The following SDK1 variants were observed in gnomAD, a reference collection of about 807,000 sequenced individuals.
SDK1 encodes the protein protein sidekick-1.
A neutral mutation model predicts 245.5 loss-of-function variants in SDK1; 157 were observed. That is an observed-to-expected ratio of 0.64 (90% CI 0.56 to 0.73). SDK1 has a LOEUF of 0.73. Ranked by LOEUF, SDK1 falls within the 30% of genes least tolerant of loss-of-function variation. The pLI, the probability that SDK1 is intolerant of heterozygous loss-of-function variation, is 0.00. For synonymous variants in SDK1, 1,647 were observed against 1,278.5 expected (o/e 1.29, Z -6.15); for missense variants, 3,583 against 3,002.3 (o/e 1.19, Z -4.52).
intron 19 of SDK1, among the ~76,000 whole-genome samples, chr7:4,052,214 C>A (rs533496636): frequency 4.9e-5 from 7 of 142,804 alleles, no homozygotes; most frequent in Admixed American, 1.5e-4. Context: ...CTGACCCTCG[C>A]TCCCAGGGTC....
At chr7:3,676,171 T>G (rs1226487358) in intron 4 of SDK1, among the ~76,000 whole-genome samples, 2 of 152,020 alleles carry the variant, frequency 1.3e-5, no homozygotes, top group Non-Finnish European at 2.9e-5. Context: ...CTCACTATGT[T>G]GCCACCTGGC....
intron 1 of SDK1, among the ~76,000 whole-genome samples, chr7:3,616,903 G>T (rs1018556257): frequency 1.3e-5 from 2 of 152,178 alleles, no homozygotes; most frequent in Non-Finnish European, 2.9e-5. Context: ...TTAAAGTTGA[G>T]TATGACTTCT....
chr7:3,582,683 T>TA (rs71029682), intron 1 of SDK1, among the ~76,000 whole-genome samples: 2,474 of 69,672 alleles, frequency 0.036, 122 homozygotes, highest in Non-Finnish European at 0.045. Context: ...TAAACTAAAG[T>TA]AAAAAAAAAA....
At chr7:3,635,800 G>A (rs891891056) in intron 2 of SDK1, among the ~76,000 whole-genome samples, 12 of 152,062 alleles carry the variant, frequency 7.9e-5, no homozygotes, top group Non-Finnish European at 1.6e-4. Context: ...TCCACCTCCC[G>A]GGGTCAGGTG....
intron 25 of SDK1, among the ~76,000 whole-genome samples, chr7:4,121,638 T>C (rs1784073027): frequency 6.6e-6 from 1 of 152,210 alleles, no homozygotes; most frequent in Non-Finnish European, 1.5e-5. Context: ...AATGGACTGA[T>C]ACATATGGCT....
chr7:3,441,348 C>A (rs1780190741), intron 1 of SDK1, among the ~76,000 whole-genome samples: 1 of 152,016 alleles, frequency 6.6e-6, no homozygotes, highest in South Asian at 2.1e-4. Flanking sequence ...AAGGAGGACT[C>A]TTGTACATCA....
At chr7:3,602,023 C>T (rs1329994061) in intron 1 of SDK1, among the ~76,000 whole-genome samples, 1 of 151,946 alleles carries the variant, frequency 6.6e-6, no homozygotes, top group African/African-American at 2.4e-5. Flanking sequence ...TTTTTTATGG[C>T]TGCATAGTAT....
chr7:4,237,575 C>T, intron 41 of SDK1, 72 bp from the exon 42 acceptor site: 1 of 1,579,172 alleles, frequency 6.3e-7, no homozygotes, highest in African/African-American at 1.3e-5. Flanking sequence ...CTGCCAACCA[C>T]CTGACTCGCG....
At chr7:3,801,610 G>T (rs1287612688) in intron 4 of SDK1, among the ~76,000 whole-genome samples, 1 of 152,190 alleles carries the variant, frequency 6.6e-6, no homozygotes, top group Non-Finnish European at 1.5e-5. Flanking sequence ...TGGGAGGGAT[G>T]GATTGATGAT....
intron 1 of SDK1, among the ~76,000 whole-genome samples, chr7:3,378,856 C>T (rs972341703): frequency 6.6e-6 from 1 of 152,044 alleles, no homozygotes; most frequent in Non-Finnish European, 1.5e-5. Context: ...GAGTTGGTCA[C>T]TTTGTCGGCT....
intron 7 of SDK1, among the ~76,000 whole-genome samples, chr7:3,954,704 G>A: frequency 6.8e-6 from 1 of 147,522 alleles, no homozygotes; most frequent in Non-Finnish European, 1.5e-5. Context: ...TCATGGGCTT[G>A]AATGAGTGTT....
chr7:3,372,116 G>A (rs150009371), intron 1 of SDK1, among the ~76,000 whole-genome samples: 1 of 152,172 alleles, frequency 6.6e-6, no homozygotes, highest in Non-Finnish European at 1.5e-5. Flanking sequence ...CCCTTAAAAA[G>A]CTACATAAAT....
At chr7:3,661,244 G>T (rs1251606193) in intron 4 of SDK1, among the ~76,000 whole-genome samples, 2 of 152,180 alleles carry the variant, frequency 1.3e-5, no homozygotes, top group African/African-American at 4.8e-5. Context: ...TTAAGTAATG[G>T]TTATATGCAG....
At chr7:3,801,659 G>C (rs922781639) in intron 4 of SDK1, among the ~76,000 whole-genome samples, 8 of 152,194 alleles carry the variant, frequency 5.3e-5, no homozygotes, top group African/African-American at 1.9e-4. Context: ...GCAAGGCCTG[G>C]TGAGTTCTAG....
intron 35 of SDK1, among the ~76,000 whole-genome samples, chr7:4,203,399 G>A (rs1784004459): frequency 2.0e-5 from 3 of 152,166 alleles, no homozygotes; most frequent in African/African-American, 7.2e-5. Flanking sequence ...TAGCCTTAGC[G>A]TGAGACCCCA....
At chr7:3,791,171 A>T (rs528361346) in intron 4 of SDK1, among the ~76,000 whole-genome samples, 23 of 152,224 alleles carry the variant, frequency 1.5e-4, no homozygotes, top group Middle Eastern at 3.4e-3. Context: ...ACAACAAAAA[A>T]AAAAACACCT....
At chr7:3,987,772 A>G (rs1370137248) in intron 14 of SDK1, among the ~76,000 whole-genome samples, 1 of 151,950 alleles carries the variant, frequency 6.6e-6, no homozygotes, top group Non-Finnish European at 1.5e-5. Flanking sequence ...CCCTCTGCCC[A>G]TTTACCGCCA....
chr7:3,965,622 G>A (rs1383406282), intron 9 of SDK1, among the ~76,000 whole-genome samples: 2 of 152,182 alleles, frequency 1.3e-5, no homozygotes, highest in African/African-American at 2.4e-5. Context: ...AGGCTCTGGG[G>A]ACACGGCTGT....
At chr7:3,636,936 A>G (rs898035288) in intron 2 of SDK1, among the ~76,000 whole-genome samples, 1 of 152,092 alleles carries the variant, frequency 6.6e-6, no homozygotes, top group Non-Finnish European at 1.5e-5. Context: ...ATGATTAGGG[A>G]CATTGAGCTC....
Sources: allele counts gnomAD v4.1 joint callset (sites outside exome capture counted in the v4.1 genomes callset), GRCh38; gene constraint gnomAD v4.1.1; transcripts MANE v1.5; gene names NCBI Gene and HGNC (gene_info 2026-07-23, HGNC 2026-07-21).